The following VPS13B variants were observed in gnomAD, a reference collection of about 807,000 sequenced individuals.
VPS13B encodes intermembrane lipid transfer protein VPS13B.
Under a neutral mutation model 426.4 loss-of-function variants are expected in VPS13B, and 285 were observed. The ratio of observed to expected loss-of-function variants is 0.67; its 90% CI spans 0.61 to 0.74. The LOEUF (loss-of-function observed/expected upper bound fraction) is 0.74. Among genes scored for constraint, VPS13B ranks in the 30% least tolerant of loss-of-function variants. The pLI is 0.00. For synonymous variants in VPS13B, 1,676 were observed against 1,676.4 expected (o/e 1.00, Z 0.01); for missense variants, 4,537 against 4,782.6 (o/e 0.95, Z 1.51).
intron 25 of VPS13B, among the ~76,000 whole-genome samples, chr8:99,497,749 C>T (rs977452066): frequency 6.6e-6 from 1 of 152,054 alleles, no homozygotes; most frequent in Non-Finnish European, 1.5e-5. Flanking sequence ...CAGTAATCTA[C>T]CTCAAATTAT....
At chr8:99,233,150 C>T (rs777719847) in intron 17 of VPS13B, 3 of 1,403,786 alleles carry the variant, frequency 2.1e-6, no homozygotes, top group Non-Finnish European at 3.0e-6. Flanking sequence ...GTCTGGCTAG[C>T]AAAGAAGTGC....
chr8:99,463,309 A>G (rs117048224), intron 23 of VPS13B, among the ~76,000 whole-genome samples: 5,718 of 152,324 alleles, frequency 0.038, 155 homozygotes, highest in Non-Finnish European at 0.054. Context: ...AATGTTGACA[A>G]ACAAGTCACG....
chr8:99,781,363 A>G (rs1812012085), intron 42 of VPS13B, among the ~76,000 whole-genome samples: 1 of 152,178 alleles, frequency 6.6e-6, no homozygotes, highest in Admixed American at 6.6e-5. Context: ...TCTTACACCA[A>G]AATGGTGTAT....
chr8:99,274,602 A>G (rs913858086), intron 18 of VPS13B, among the ~76,000 whole-genome samples: 9 of 152,146 alleles, frequency 5.9e-5, no homozygotes, highest in African/African-American at 2.2e-4. Context: ...GGGGAATAGG[A>G]GGTGTATATA....
intron 3 of VPS13B, among the ~76,000 whole-genome samples, chr8:99,067,055 T>C (rs997853228): frequency 6.6e-6 from 1 of 152,164 alleles, no homozygotes; most frequent in Non-Finnish European, 1.5e-5. Flanking sequence ...GGAGTGTAAA[T>C]TAGTTCAACC....
intron 56 of VPS13B, among the ~76,000 whole-genome samples, chr8:99,855,638 T>C (rs1229681971): frequency 1.3e-5 from 2 of 152,240 alleles, no homozygotes; most frequent in Non-Finnish European, 2.9e-5. Context: ...AGTTGTACTT[T>C]GTGAATGCGT....
chr8:99,870,482 A>G (rs1455746505), intron 59 of VPS13B, among the ~76,000 whole-genome samples: 1 of 152,160 alleles, frequency 6.6e-6, no homozygotes, highest in African/African-American at 2.4e-5. Flanking sequence ...TAACACATCA[A>G]TTAAAATGAT....
chr8:99,600,798 C>T (rs1827254257), intron 33 of VPS13B, among the ~76,000 whole-genome samples: 1 of 152,152 alleles, frequency 6.6e-6, no homozygotes, highest in Non-Finnish European at 1.5e-5. Flanking sequence ...AATGACTCTT[C>T]TGTTTACATG....
At chr8:99,307,419 G>C (rs1452430063) in intron 19 of VPS13B, among the ~76,000 whole-genome samples, 1 of 151,994 alleles carries the variant, frequency 6.6e-6, no homozygotes, top group Non-Finnish European at 1.5e-5. Context: ...ATATTTTAAA[G>C]TCTTCTATTT....
chr8:99,062,521 T>C (rs1157935279), intron 3 of VPS13B, among the ~76,000 whole-genome samples: 3 of 152,178 alleles, frequency 2.0e-5, no homozygotes, highest in Non-Finnish European at 4.4e-5. Context: ...CAGGCTGGAG[T>C]GCATGGGCGT....
chr8:99,731,891 A>G (rs989543773), intron 39 of VPS13B, among the ~76,000 whole-genome samples: 1 of 151,090 alleles, frequency 6.6e-6, no homozygotes, highest in African/African-American at 2.5e-5. Context: ...CACACATTCT[A>G]TCTAAGCCTG....
chr8:99,024,045 T>C (rs1842026712), intron 2 of VPS13B, among the ~76,000 whole-genome samples: 1 of 152,242 alleles, frequency 6.6e-6, no homozygotes, highest in South Asian at 2.1e-4. Context: ...TTCTCTTTTC[T>C]TTATATCCTC....
intron 33 of VPS13B, among the ~76,000 whole-genome samples, chr8:99,594,046 A>G (rs1826859292): frequency 6.6e-6 from 1 of 152,016 alleles, no homozygotes; most frequent in Admixed American, 6.6e-5. Flanking sequence ...ACAAACCTGC[A>G]CATCCTGCAC....
At chr8:99,368,636 T>C (rs1439951136) in intron 19 of VPS13B, among the ~76,000 whole-genome samples, 2 of 152,214 alleles carry the variant, frequency 1.3e-5, no homozygotes, top group Non-Finnish European at 2.9e-5. Flanking sequence ...GTCATGCCTT[T>C]GTGATTTTTG....
At chr8:99,619,239 A>G (rs1320977635) in intron 33 of VPS13B, among the ~76,000 whole-genome samples, 1 of 152,070 alleles carries the variant, frequency 6.6e-6, no homozygotes, top group Non-Finnish European at 1.5e-5. Context: ...TTCTGAACCA[A>G]AGGAAAGGAA....
intron 4 of VPS13B, among the ~76,000 whole-genome samples, chr8:99,099,767 G>A (rs1369844217): frequency 6.6e-6 from 1 of 152,164 alleles, no homozygotes; most frequent in Non-Finnish European, 1.5e-5. Context: ...GGAAGAACAC[G>A]AGTAAAGTTA....
At chr8:99,312,769 AC>A (rs1463450505) in intron 19 of VPS13B, among the ~76,000 whole-genome samples, 4 of 152,146 alleles carry the variant, frequency 2.6e-5, no homozygotes, top group South Asian at 4.1e-4. Context: ...TTGTTTTCTG[AC>A]TTGGTTCCAT....
At chr8:99,069,555 C>T (rs1844745539) in intron 3 of VPS13B, among the ~76,000 whole-genome samples, 1 of 152,178 alleles carries the variant, frequency 6.6e-6, no homozygotes, top group Non-Finnish European at 1.5e-5. Context: ...TGTGCACATA[C>T]ATTTTCTAAT....
At chr8:99,545,089 T>A (rs1289443041) in intron 30 of VPS13B, among the ~76,000 whole-genome samples, 1 of 152,126 alleles carries the variant, frequency 6.6e-6, no homozygotes, top group Non-Finnish European at 1.5e-5. Context: ...ACCACCTTCC[T>A]CTGTTCTGTA....
Sources: allele counts gnomAD v4.1 joint callset (sites outside exome capture counted in the v4.1 genomes callset), GRCh38; gene constraint gnomAD v4.1.1; transcripts MANE v1.5; gene names NCBI Gene and HGNC (gene_info 2026-07-23, HGNC 2026-07-21).